The following ME1 variants were observed in gnomAD, a reference collection of about 807,000 sequenced individuals.
ME1 encodes malic enzyme 1.
ME1 carries 74 observed loss-of-function variants against 66.4 expected under a neutral mutation model. The ratio of observed to expected loss-of-function variants is 1.11; its 90% CI spans 0.92 to 1.35. The LOEUF (loss-of-function observed/expected upper bound fraction) is 1.35, where lower values mean the gene tolerates loss of function less well. ME1 is among the 40% of genes most tolerant of loss of function. The pLI is 0.00. For missense variants in ME1, 750 were observed against 694.1 expected (o/e 1.08, Z -0.90); for synonymous variants, 251 against 235.6 (o/e 1.07, Z -0.60).
intron 6 of ME1, among the ~76,000 whole-genome samples, chr6:83,294,951 G>A (rs1179786507): frequency 2.0e-5 from 3 of 152,202 alleles, no homozygotes; most frequent in Admixed American, 1.3e-4. Context: ...CTCCAGAACC[G>A]TGGTGTGCAG....
intron 3 of ME1, among the ~76,000 whole-genome samples, chr6:83,360,583 T>C (rs1251273157): frequency 1.3e-5 from 2 of 152,170 alleles, no homozygotes; most frequent in African/African-American, 2.4e-5. Flanking sequence ...AGGGCTATTA[T>C]GGTAGGAAAG....
intron 3 of ME1, among the ~76,000 whole-genome samples, chr6:83,357,974 T>TATATATATATATATA (rs1768931234): frequency 1.1e-4 from 14 of 123,586 alleles, no homozygotes; most frequent in Non-Finnish European, 1.5e-4. Context: ...TATATATATA[T>TATATATATATATATA]TTCATTAGTT....
At chr6:83,366,652 T>A (rs1769105802) in intron 3 of ME1, among the ~76,000 whole-genome samples, 1 of 152,176 alleles carries the variant, frequency 6.6e-6, no homozygotes, top group African/African-American at 2.4e-5. Flanking sequence ...AAGAGGACTA[T>A]CCAGTTGTTG....
At position 83,352,123 on chromosome 6, in the gene ME1, T is replaced by G; in HGVS notation, c.379A>C (p.Ile127Leu). 6.4e-7 allele frequency: 1 copy of G among 1,568,922 alleles called. No homozygotes were observed. The highest frequency in any genetic ancestry group is 1.2e-5 in the South Asian group (1 of 85,390). The stretch of plus-strand genomic sequence containing the variant: ...GAAGCAATATGCCCTCGATCGTGGA[T>G]AGTAATAAAGAGACCTCTGCAGAAA... Reference protein sequence around the residue: ...FRKPRGLFITIHDRGHIASVL... With the variant: ...FRKPRGLFITLHDRGHIASVL... Residue 127 changes from isoleucine (I) to leucine (L), a missense_variant, in exon 4 of 14, where the codon ATC (isoleucine) becomes CTC (leucine). Ile to Leu is a conservative substitution (Grantham distance 5). Transcript: ENST00000369705.
At position 83,407,870 on chromosome 6, in the gene ME1, T is replaced by A. The variant is rs764659719; in HGVS notation, c.110A>T (p.Gln37Leu). The stretch of plus-strand genomic sequence containing the variant: ...TGGCAACAATCCATGAATGTTCAAT[T>A]GCTGTCTCTCTTCCAGGGTAAAGGC... Reference protein sequence around the residue: ...DLAFTLEERQQLNIHGLLPPS... With the variant: ...DLAFTLEERQLLNIHGLLPPS... The change falls in exon 2 of 14, where the codon CAA becomes CTA. Residue 37 changes from glutamine to leucine, a missense_variant. Physicochemically the swap from Gln to Leu is moderately radical, Grantham distance 113. Transcript: ENST00000369705. The A allele has an allele frequency of 2.5e-6, 4 of 1,612,860 alleles. No homozygotes were observed. The South Asian group carries it at 3.3e-5, about 13-fold the overall frequency.
chr6:83,400,663 G>C (rs77920749), intron 2 of ME1, among the ~76,000 whole-genome samples: 5,526 of 152,122 alleles, frequency 0.036, 321 homozygotes, highest in African/African-American at 0.13. Flanking sequence ...AGCCATCCCA[G>C]CCTACATTCT....
At chr6:83,255,020 T>C (rs939674057) in intron 6 of ME1, among the ~76,000 whole-genome samples, 2 of 152,176 alleles carry the variant, frequency 1.3e-5, no homozygotes, top group African/African-American at 2.4e-5. Context: ...TCTCTTTTTC[T>C]TCTGATACAA....
chr6:83,332,635 C>T (rs1287455636), intron 5 of ME1, among the ~76,000 whole-genome samples: 1 of 152,088 alleles, frequency 6.6e-6, no homozygotes, highest in African/African-American at 2.4e-5. Flanking sequence ...GGCTATTAAC[C>T]TAAATGAAAT....
intron 6 of ME1, among the ~76,000 whole-genome samples, chr6:83,296,931 A>C (rs1583363987): frequency 1.3e-5 from 2 of 152,334 alleles, no homozygotes; most frequent in Admixed American, 1.3e-4. Flanking sequence ...TTCAACATTC[A>C]GGACTGGTTG....
At chr6:83,296,564 C>A (rs201575123) in intron 6 of ME1, among the ~76,000 whole-genome samples, 1 of 152,184 alleles carries the variant, frequency 6.6e-6, no homozygotes, top group Non-Finnish European at 1.5e-5. Context: ...CAACATCATG[C>A]TGAATGGGTA....
chr6:83,287,351 T>A (rs1334038897), intron 6 of ME1, among the ~76,000 whole-genome samples: 1 of 152,184 alleles, frequency 6.6e-6, no homozygotes, highest in African/African-American at 2.4e-5. Flanking sequence ...CCCCTCCCTG[T>A]GTCCATGTGC....
chr6:83,328,551 T>A (rs1269716810), intron 5 of ME1, among the ~76,000 whole-genome samples: 1 of 152,210 alleles, frequency 6.6e-6, no homozygotes, highest in East Asian at 1.9e-4. Flanking sequence ...AAGGCTTGAA[T>A]AATTAGTGCA....
chr6:83,286,324 T>A (rs1767396007), intron 6 of ME1, among the ~76,000 whole-genome samples: 1 of 152,208 alleles, frequency 6.6e-6, no homozygotes, highest in South Asian at 2.1e-4. Flanking sequence ...ACAAATGTAC[T>A]AGCTGTGACT....
intron 1 of ME1, among the ~76,000 whole-genome samples, chr6:83,420,974 C>T (rs771097441): frequency 4.0e-5 from 6 of 151,254 alleles, no homozygotes; most frequent in Admixed American, 2.0e-4. Context: ...GTTTAATAGG[C>T]ACAAAAGAAG....
At position 83,305,597 on chromosome 6, in the gene ME1, C is replaced by T. The variant is rs901263179; in HGVS notation, c.704+9713G>A. Among the ~76,000 whole-genome samples the T allele has an allele frequency of 3.9e-5, 6 of 152,000 alleles. No homozygotes were observed. In the East Asian group the frequency reaches 5.8e-4, roughly 15 times the overall value. ...GAGAGTTCAATGACAGTACAGGCAG[C>T]GTGGAGAATGTGGGTGCAGGAGAGT... On this transcript the variant is annotated intron_variant, in intron 6 of 13. Transcript: ENST00000369705.
In ME1 at chr6:83,357,951, A is replaced by C. The variant is rs1398913288; in HGVS notation, c.363-5812T>G. On this transcript the variant is annotated intron_variant, in intron 3 of 13. Coordinates refer to ENST00000369705, the MANE Select transcript of ME1 (RefSeq NM_002395.6). ...TCTCTCTCTCTATATATATATATATATATATATATATATATATATATATTT... is the reference window on the plus strand; with the variant it reads ...TCTCTCTCTCTATATATATATATATCTATATATATATATATATATATATTT... Among the ~76,000 whole-genome samples, 380 of 97,424 alleles carry C rather than the reference A, an allele frequency of 3.9e-3. 5 individuals carry two copies. Among genetic ancestry groups the C allele is most frequent in the Middle Eastern group, 0.013 (2 of 150 alleles). The allele number at this position is 97,424 out of a possible 152,430, so 63.9% of individuals were successfully genotyped here.
At chr6:83,427,783 C>T (rs991307845) in intron 1 of ME1, among the ~76,000 whole-genome samples, 7 of 152,072 alleles carry the variant, frequency 4.6e-5, no homozygotes, top group African/African-American at 4.8e-5. Context: ...GAGGCCGAGG[C>T]GGGCAGATCA....
Position 83,220,888 on chromosome 6 carries a change from C to T in ME1, c.1449+2872G>A, listed in dbSNP as rs374180024. On this transcript the variant is annotated intron_variant, in intron 12 of 13. Transcript: ENST00000369705. ...AAAAAGATAATCTACAGGCCAGGCG[C>T]GGTGGCTCATGCCTATAATCCCAGC... Among the ~76,000 whole-genome samples, 4 of 152,252 alleles carry T rather than the reference C, an allele frequency of 2.6e-5. No individual in the cohort carries two copies. In the South Asian group the frequency reaches 6.2e-4, roughly 24 times the overall value.
At chr6:83,421,085 TCTC>T (rs771893268) in intron 1 of ME1, among the ~76,000 whole-genome samples, 3 of 152,104 alleles carry the variant, frequency 2.0e-5, no homozygotes, top group African/African-American at 2.4e-5. Context: ...AACTTGCTCT[TCTC>T]CTTCACAGCA....
Sources: gnomAD v4.1 joint callset for allele counts (sites outside exome capture counted in the v4.1 genomes callset) on GRCh38, gnomAD v4.1.1 for gene constraint, MANE v1.5 for transcripts, NCBI Gene and HGNC (gene_info 2026-07-23, HGNC 2026-07-21) for gene names.